SAMD4A: variants seen among roughly 807,000 people sequenced by gnomAD.
The protein encoded by SAMD4A is protein Smaug homolog 1.
SAMD4A carries 33 observed loss-of-function variants against 81.3 expected under a neutral mutation model. The observed-to-expected ratio is 0.41, with a 90% CI of 0.31 to 0.54. The LOEUF (loss-of-function observed/expected upper bound fraction) is 0.54. Ranked by LOEUF, SAMD4A falls within the 20% of genes least tolerant of loss-of-function variation. SAMD4A has a pLI of 0.37. For synonymous variants in SAMD4A, 389 were observed against 382.1 expected (o/e 1.02, Z -0.21); for missense variants, 854 against 951.1 (o/e 0.90, Z 1.34).
chr14:54,720,613 G>T (rs1213303065), intron 3 of SAMD4A, among the ~76,000 whole-genome samples: 1 of 152,278 alleles, frequency 6.6e-6, no homozygotes, highest in East Asian at 1.9e-4. Context: ...GGGCCTGTTA[G>T]GAGTAAGGTG....
chr14:54,690,970 G>A (rs1170711586), intron 2 of SAMD4A, among the ~76,000 whole-genome samples: 1 of 152,150 alleles, frequency 6.6e-6, no homozygotes, highest in Non-Finnish European at 1.5e-5. Context: ...ATAGAGTTTA[G>A]AAGGTTTGTT....
chr14:54,652,157 T>C (rs1249548968), intron 2 of SAMD4A, among the ~76,000 whole-genome samples: 1 of 152,234 alleles, frequency 6.6e-6, no homozygotes, highest in Non-Finnish European at 1.5e-5. Flanking sequence ...TCTAGAATTC[T>C]CCCAAAATCT....
rs2034444508 is a variant in SAMD4A, at chr14:54,614,519, CA to C, written c.196+46411del. Among the ~76,000 whole-genome samples the C allele has an allele frequency of 2.0e-5, 3 of 152,286 alleles. No individual in the cohort carries two copies. In the East Asian group the frequency reaches 5.8e-4, roughly 29 times the overall value. On this transcript the variant is annotated intron_variant, in intron 2 of 12. Transcript: ENST00000554335. ...ATACCATAAACTTGGGTATTAATAA[CA>C]AAAGGGACTTTTAAGAGCACTTATC...
intron 2 of SAMD4A, among the ~76,000 whole-genome samples, chr14:54,568,742 A>T (rs775661976): frequency 1.2e-4 from 13 of 104,532 alleles, no homozygotes; most frequent in East Asian, 9.6e-4. Flanking sequence ...TATATATATA[A>T]TGCGGTTAAG....
intron 3 of SAMD4A, among the ~76,000 whole-genome samples, chr14:54,704,904 A>C (rs12881380): frequency 0.12 from 17,830 of 152,170 alleles, 1,158 homozygotes; most frequent in South Asian, 0.2. Context: ...TCACTTGTTC[A>C]CTCATGCCTC....
intron 11 of SAMD4A, among the ~76,000 whole-genome samples, chr14:54,779,852 A>AC (rs1347079163): frequency 6.6e-6 from 1 of 152,154 alleles, no homozygotes; most frequent in African/African-American, 2.4e-5. Context: ...AGTAAGAAAC[A>AC]CTACGAGGTG....
intron 11 of SAMD4A, 167 bp from the exon 12 acceptor site, chr14:54,784,370 C>T (rs1331424532): frequency 6.4e-7 from 1 of 1,563,116 alleles, no homozygotes; most frequent in African/African-American, 1.4e-5. Context: ...CTGTGTTTAA[C>T]AGACCTTAGA....
intron 11 of SAMD4A, among the ~76,000 whole-genome samples, chr14:54,776,867 TG>T (rs2038865757): frequency 6.6e-6 from 1 of 151,988 alleles, no homozygotes; most frequent in East Asian, 1.9e-4. Context: ...TGTGTGTGTG[TG>T]TGTGTGTGTG....
At chr14:54,751,666 GA>G (rs1391861683) in intron 6 of SAMD4A, 129 bp downstream of exon 6, 4 of 702,212 alleles carry the variant, frequency 5.7e-6, no homozygotes, top group Admixed American at 5.6e-5. Flanking sequence ...CAAAGTCAGA[GA>G]AAACGGAATG....
At chr14:54,578,270 C>A (rs1361783070) in intron 2 of SAMD4A, among the ~76,000 whole-genome samples, 1 of 152,104 alleles carries the variant, frequency 6.6e-6, no homozygotes, top group Non-Finnish European at 1.5e-5. Context: ...GGATGACTTC[C>A]AAAGTCCCTT....
chr14:54,658,080 C>A (rs1254336088), intron 2 of SAMD4A, among the ~76,000 whole-genome samples: 1 of 152,152 alleles, frequency 6.6e-6, no homozygotes, highest in Non-Finnish European at 1.5e-5. Flanking sequence ...AAAGTCGAGG[C>A]AGGCAGATCA....
chr14:54,753,239 C>G (rs1394910051), intron 6 of SAMD4A, among the ~76,000 whole-genome samples: 1 of 151,440 alleles, frequency 6.6e-6, no homozygotes, highest in Admixed American at 6.6e-5. Flanking sequence ...AGACTATCAC[C>G]TGGGAAGAAA....
At position 54,774,914 on chromosome 14, in the gene SAMD4A, T is replaced by G. The variant is rs751281547; in HGVS notation, c.1716-20T>G. 6.2e-6 allele frequency: 10 copies of G among 1,613,636 alleles called. No homozygotes were observed. The Admixed American group carries it at 1.2e-4, about 19-fold the overall frequency. On this transcript the variant is annotated intron_variant, in intron 9 of 12. Coordinates refer to ENST00000554335, the MANE Select transcript of SAMD4A (RefSeq NM_015589.6). Reference sequence around the variant, plus strand: ...TGAATAACGACTGATATTCTCTTCCTTCTCTCTTGGCTCTCACAGTCGAGG... The same window carrying G: ...TGAATAACGACTGATATTCTCTTCCGTCTCTCTTGGCTCTCACAGTCGAGG...
At chr14:54,583,382 C>G (rs1427022345) in intron 2 of SAMD4A, among the ~76,000 whole-genome samples, 2 of 152,112 alleles carry the variant, frequency 1.3e-5, no homozygotes, top group Non-Finnish European at 2.9e-5. Context: ...CAACCTTGTC[C>G]TGAATTAGCA....
intron 6 of SAMD4A, among the ~76,000 whole-genome samples, chr14:54,754,065 T>G (rs763431247): frequency 6.6e-6 from 1 of 152,236 alleles, no homozygotes; most frequent in Non-Finnish European, 1.5e-5. Flanking sequence ...GATTCATTCA[T>G]ATCCTCCATC....
At chr14:54,734,155 A>C (rs1018133810) in intron 3 of SAMD4A, among the ~76,000 whole-genome samples, 1 of 152,172 alleles carries the variant, frequency 6.6e-6, no homozygotes, top group Non-Finnish European at 1.5e-5. Flanking sequence ...GGCACCTGTC[A>C]CCTGTTTTAA....
intron 2 of SAMD4A, among the ~76,000 whole-genome samples, chr14:54,674,204 T>G (rs1384729967): frequency 6.6e-6 from 1 of 152,040 alleles, no homozygotes; most frequent in African/African-American, 2.4e-5. Context: ...TGGCAAGAGG[T>G]TTGTCTCATT....
At chr14:54,768,577 A>G (rs1464937838) in intron 8 of SAMD4A, among the ~76,000 whole-genome samples, 1 of 152,170 alleles carries the variant, frequency 6.6e-6, no homozygotes, top group Non-Finnish European at 1.5e-5. Context: ...GTGGCTGAAT[A>G]AGCCAGTCAA....
At chr14:54,570,799 A>G (rs1251048786) in intron 2 of SAMD4A, among the ~76,000 whole-genome samples, 1 of 152,232 alleles carries the variant, frequency 6.6e-6, no homozygotes, top group African/African-American at 2.4e-5. Context: ...CACCCAGAAT[A>G]ATTAACCTCT....
Sources: gnomAD v4.1 joint callset for allele counts (sites outside exome capture counted in the v4.1 genomes callset) on GRCh38, gnomAD v4.1.1 for gene constraint, MANE v1.5 for transcripts, NCBI Gene and HGNC (gene_info 2026-07-23, HGNC 2026-07-21) for gene names.